DMD: variants seen among roughly 807,000 people sequenced by gnomAD.
DMD encodes dystrophin, also known as mutant dystrophin.
A neutral mutation model predicts 330.1 loss-of-function variants in DMD; 63 were observed. That is an observed-to-expected ratio of 0.19 (90% CI 0.16 to 0.24). The LOEUF (loss-of-function observed/expected upper bound fraction) is 0.24. Ranked by LOEUF, DMD falls within the 10% of genes least tolerant of loss-of-function variation. The pLI, the probability that DMD is intolerant of heterozygous loss-of-function variation, is 1.00. For synonymous variants in DMD, 1,223 were observed against 959.8 expected (o/e 1.27, Z -5.07); for missense variants, 3,344 against 2,684.1 (o/e 1.25, Z -5.43).
chrX:32,504,205 C>T (rs192269030), intron 18 of DMD, among the ~76,000 whole-genome samples: 227 of 112,486 alleles, frequency 2.0e-3, no homozygotes, highest in African/African-American at 6.5e-3. Flanking sequence ...AATTTATTTA[C>T]TTTCATGTTA....
rs1010915706 is a variant in DMD, at chrX:31,557,011, A to G, written c.8218-49558T>C. Among the ~76,000 whole-genome samples, 38 of 112,246 alleles carry G rather than the reference A, an allele frequency of 3.4e-4. 1 individual carries two copies. Among genetic ancestry groups the G allele is most frequent in the Non-Finnish European group, 4.3e-4 (23 of 53,270 alleles). Reference sequence around the variant, plus strand: ...CGAAGATGAAAAATACATTCTCAGGACTTTACAGTCTAATTACAACTATGA... The same window carrying G: ...CGAAGATGAAAAATACATTCTCAGGGCTTTACAGTCTAATTACAACTATGA... On this transcript the variant is annotated intron_variant, in intron 55 of 78. Coordinates refer to ENST00000357033, the MANE Select transcript of DMD (RefSeq NM_004006.3).
At chrX:31,953,897 A>T (rs920715523) in intron 45 of DMD, among the ~76,000 whole-genome samples, 3 of 111,785 alleles carry the variant, frequency 2.7e-5, no homozygotes, top group Non-Finnish European at 5.6e-5. Context: ...GTGGGAAGAT[A>T]GGTGATTATT....
intron 2 of DMD, among the ~76,000 whole-genome samples, chrX:32,966,239 T>G (rs1011159727): frequency 3.6e-5 from 4 of 112,039 alleles, no homozygotes; most frequent in Non-Finnish European, 7.5e-5. Flanking sequence ...CATATTAGCT[T>G]TCATGCCCAT....
At chrX:32,459,528 T>C (rs2098375489) in intron 25 of DMD, among the ~76,000 whole-genome samples, 1 of 111,148 alleles carries the variant, frequency 9.0e-6, no homozygotes, top group Admixed American at 9.6e-5. Flanking sequence ...TGTACTTGAC[T>C]TCCAGATACA....
chrX:31,904,965 G>A (rs1450280706), intron 47 of DMD, among the ~76,000 whole-genome samples: 1 of 111,754 alleles, frequency 8.9e-6, no homozygotes, highest in East Asian at 2.8e-4. Context: ...TAATGGTGAA[G>A]TTGTAGGGTT....
At chrX:32,107,566 G>A (rs778952040) in intron 44 of DMD, among the ~76,000 whole-genome samples, 5 of 110,249 alleles carry the variant, frequency 4.5e-5, no homozygotes, top group Non-Finnish European at 9.5e-5. Flanking sequence ...AAAGTCTGAA[G>A]GCAGGAAAAA....
At chrX:32,398,708 A>G (rs1265113825) in intron 30 of DMD, among the ~76,000 whole-genome samples, 1 of 111,939 alleles carries the variant, frequency 8.9e-6, no homozygotes, top group Non-Finnish European at 1.9e-5. Flanking sequence ...ATTTTCTAAC[A>G]AAGACATTCT....
chrX:32,521,575 A>G (rs950664097), intron 17 of DMD, among the ~76,000 whole-genome samples: 3 of 112,393 alleles, frequency 2.7e-5, no homozygotes, highest in South Asian at 7.4e-4. Flanking sequence ...TCTGATATGT[A>G]TATCTCTAAT....
rs16989970 is a variant in DMD at position 31,931,939 on chromosome X, G to A, written c.6762+141C>T. 0.057 allele frequency: 37,854 copies of A among 666,607 alleles called. 920 individuals are homozygous for A. The highest frequency in any genetic ancestry group is 0.069 in the Non-Finnish European group (30,506 of 441,081). 54.9% of individuals were successfully genotyped at this position (666,607 alleles called of 1,213,427 possible). On this transcript the variant is annotated intron_variant, in intron 46 of 78. Transcript: ENST00000357033. Reference sequence around the variant, plus strand: ...TGGTTCAGAACTGCAGGGTTAAGAAGAAATAAAGTTGTGAGAAAAACACTT... The same window carrying A: ...TGGTTCAGAACTGCAGGGTTAAGAAAAAATAAAGTTGTGAGAAAAACACTT...
chrX:32,072,248 A>C (rs2096306157), intron 44 of DMD, among the ~76,000 whole-genome samples: 1 of 111,804 alleles, frequency 8.9e-6, no homozygotes, highest in Admixed American at 9.6e-5. Flanking sequence ...TGACATTCTT[A>C]TCATTTGAAG....
chrX:31,829,195 G>A (rs1415155523), intron 49 of DMD, among the ~76,000 whole-genome samples: 1 of 111,211 alleles, frequency 9.0e-6, no homozygotes, highest in East Asian at 2.8e-4. Context: ...GACATACGGA[G>A]TGATACAATG....
chrX:32,747,819 G>A (rs376735063), intron 7 of DMD, among the ~76,000 whole-genome samples: 134 of 110,638 alleles, frequency 1.2e-3, no homozygotes, highest in Non-Finnish European at 1.9e-3. Flanking sequence ...TGACTCTGAT[G>A]CAGGCCACAC....
At chrX:32,692,079 A>T (rs1479480694) in intron 9 of DMD, among the ~76,000 whole-genome samples, 1 of 112,242 alleles carries the variant, frequency 8.9e-6, no homozygotes, top group Non-Finnish European at 1.9e-5. Flanking sequence ...GATCTGTTGT[A>T]CAACTTGTAC....
chrX:31,468,719 G>C (rs1016589289), intron 59 of DMD, among the ~76,000 whole-genome samples: 1 of 111,413 alleles, frequency 9.0e-6, no homozygotes, highest in African/African-American at 3.3e-5. Context: ...GAATATCCTT[G>C]TTAATTTTCT....
intron 2 of DMD, among the ~76,000 whole-genome samples, chrX:32,950,077 A>T (rs1047182723): frequency 8.4e-5 from 9 of 107,501 alleles, no homozygotes; most frequent in Non-Finnish European, 1.5e-4. Flanking sequence ...CTAGATTTTT[A>T]GAAACCAGTA....
chrX:31,556,778 G>C (rs6631339), intron 55 of DMD, among the ~76,000 whole-genome samples: 2 of 111,810 alleles, frequency 1.8e-5, no homozygotes, highest in Non-Finnish European at 3.8e-5. Context: ...GTCATTGAAA[G>C]ACCTAATTGG....
intron 7 of DMD, among the ~76,000 whole-genome samples, chrX:32,783,140 T>G (rs980310386): frequency 3.0e-5 from 3 of 101,535 alleles, no homozygotes; most frequent in Non-Finnish European, 6.0e-5. Context: ...TATATGTATA[T>G]ATATATACCA....
intron 48 of DMD, among the ~76,000 whole-genome samples, chrX:31,837,684 C>G: frequency 9.0e-6 from 1 of 111,531 alleles, no homozygotes; most frequent in East Asian, 2.8e-4. Flanking sequence ...TTCCTCCCTC[C>G]CCTACCCCGG....
intron 1 of DMD, among the ~76,000 whole-genome samples, chrX:33,180,026 G>A (rs1276049419): frequency 2.7e-5 from 3 of 109,936 alleles, no homozygotes; most frequent in Admixed American, 9.7e-5. Context: ...AGTAGAGATG[G>A]GGTTTCACCA....
Sources: allele counts gnomAD v4.1 joint callset (sites outside exome capture counted in the v4.1 genomes callset), GRCh38; gene constraint gnomAD v4.1.1; transcripts MANE v1.5; gene names NCBI Gene and HGNC (gene_info 2026-07-23, HGNC 2026-07-21).